Variants in NDST4 observed in about 807,000 individuals in gnomAD.
NDST4 encodes N-deacetylase and N-sulfotransferase 4.
In NDST4, 63 loss-of-function variants were observed where a neutral mutation model predicts 100.8. The observed-to-expected ratio is 0.62, with a 90% CI of 0.51 to 0.77. The LOEUF (loss-of-function observed/expected upper bound fraction) is 0.77, where lower values mean the gene tolerates loss of function less well. Ranked by LOEUF, NDST4 falls within the 30% of genes least tolerant of loss-of-function variation. The pLI is 0.00. For synonymous variants in NDST4, 377 were observed against 361.8 expected, an observed-to-expected ratio of 1.04 and a Z score of -0.48; for missense variants, 943 against 1,018.4, an observed-to-expected ratio of 0.93 and a Z score of 1.01.
At chr4:114,837,625 T>A (rs952684040) in intron 11 of NDST4, among the ~76,000 whole-genome samples, 1 of 152,172 alleles carries the variant, frequency 6.6e-6, no homozygotes, top group Non-Finnish European at 1.5e-5. Context: ...GCTAGCCATA[T>A]CCAGAAAGCT....
intron 4 of NDST4, among the ~76,000 whole-genome samples, chr4:114,966,411 G>A (rs573025477): frequency 6.6e-6 from 1 of 150,744 alleles, no homozygotes; most frequent in Non-Finnish European, 1.5e-5. Context: ...TATTACAAGA[G>A]AAAACAAACT....
At chr4:115,113,029 C>T (rs1190171417) in intron 1 of NDST4, among the ~76,000 whole-genome samples, 1 of 151,862 alleles carries the variant, frequency 6.6e-6, no homozygotes, top group Admixed American at 6.6e-5. Context: ...AATTTGAATG[C>T]CATGTTTTCA....
At chr4:114,947,677 A>C (rs181460625) in intron 4 of NDST4, among the ~76,000 whole-genome samples, 113 of 152,222 alleles carry the variant, frequency 7.4e-4, no homozygotes, top group African/African-American at 2.6e-3. Context: ...TGGAAAAAGA[A>C]GGTACTTAAA....
chr4:114,971,579 G>T (rs1726515563), intron 3 of NDST4, among the ~76,000 whole-genome samples: 1 of 152,066 alleles, frequency 6.6e-6, no homozygotes, highest in Non-Finnish European at 1.5e-5. Flanking sequence ...CTACTTAACT[G>T]TGTAAATAAG....
intron 1 of NDST4, among the ~76,000 whole-genome samples, chr4:115,103,282 A>G (rs905105774): frequency 6.6e-6 from 1 of 152,218 alleles, no homozygotes; most frequent in African/African-American, 2.4e-5. Context: ...ATTATTATTC[A>G]GAGAACTCAA....
In NDST4 at chr4:115,007,729, T is replaced by C. The variant is rs772219700; in HGVS notation, c.979-30455A>G. 1.9e-4 allele frequency among the ~76,000 whole-genome samples: 24 copies of C among 129,500 alleles called. 3 individuals carry two copies. Among genetic ancestry groups the C allele is most frequent in the Non-Finnish European group, 3.3e-5 (2 of 60,414 alleles). 85.0% of individuals were successfully genotyped at this position (129,500 alleles called of 152,430 possible). ...AAATAAAAGACCTCATTAGCTGATA[T>C]CTGCTTAGATGCTAAAGACAACAGG... On this transcript the variant is annotated intron_variant, in intron 2 of 13. Coordinates refer to ENST00000264363, the MANE Select transcript of NDST4 (RefSeq NM_022569.3).
intron 5 of NDST4, among the ~76,000 whole-genome samples, chr4:114,937,082 C>T (rs1377024173): frequency 5.3e-5 from 8 of 152,194 alleles, no homozygotes; most frequent in Non-Finnish European, 2.9e-5. Flanking sequence ...ATACATAACT[C>T]ATTCCTGTTA....
intron 1 of NDST4, among the ~76,000 whole-genome samples, chr4:115,080,795 T>A (rs897587499): frequency 6.6e-6 from 1 of 152,044 alleles, no homozygotes; most frequent in African/African-American, 2.4e-5. Context: ...AGCTCACATA[T>A]TTAATTTAAA....
Position 114,838,456 on chromosome 4 carries a change from G to A in NDST4, c.2286+922C>T, listed in dbSNP as rs888298577. Among the ~76,000 whole-genome samples the A allele has an allele frequency of 3.8e-4, 58 of 152,220 alleles. 1 individual carries two copies. Among genetic ancestry groups the A allele is most frequent in the Middle Eastern group, 3.4e-3 (1 of 294 alleles). On this transcript the variant is annotated intron_variant, in intron 11 of 13. Transcript: ENST00000264363. The stretch of plus-strand genomic sequence containing the variant: ...ATTTTAGACTGGATAAAGAAAATAT[G>A]GCACATATACACCATGGAATACTAT...
chr4:114,945,497 GATAA>G (rs1436138552), intron 4 of NDST4, among the ~76,000 whole-genome samples: 3 of 152,082 alleles, frequency 2.0e-5, no homozygotes, highest in Admixed American at 6.5e-5. Flanking sequence ...GTTGGTATTT[GATAA>G]ATAATTTTAA....
chr4:114,887,742 G>A (rs1724509310), intron 6 of NDST4, among the ~76,000 whole-genome samples: 2 of 152,052 alleles, frequency 1.3e-5, no homozygotes, highest in African/African-American at 4.8e-5. Context: ...TTAAAATAGA[G>A]TTTGCTTTCC....
intron 1 of NDST4, among the ~76,000 whole-genome samples, chr4:115,095,273 G>A (rs477208): frequency 1.3e-5 from 2 of 152,064 alleles, no homozygotes; most frequent in Non-Finnish European, 2.9e-5. Context: ...TGTTTGTGAT[G>A]CTATTCCCTA....
At chr4:114,844,661 T>A (rs527920244) in intron 10 of NDST4, among the ~76,000 whole-genome samples, 54 of 152,354 alleles carry the variant, frequency 3.5e-4, no homozygotes, top group African/African-American at 1.3e-3. Flanking sequence ...CTATGATTAT[T>A]TAATATCTAC....
intron 6 of NDST4, among the ~76,000 whole-genome samples, chr4:114,898,466 T>C (rs1724764868): frequency 6.6e-6 from 1 of 152,198 alleles, no homozygotes; most frequent in Non-Finnish European, 1.5e-5. Flanking sequence ...CTTTATACTA[T>C]CCCTTGAAGT....
intron 1 of NDST4, among the ~76,000 whole-genome samples, chr4:115,081,373 A>G (rs1212483865): frequency 6.6e-6 from 1 of 152,154 alleles, no homozygotes; most frequent in African/African-American, 2.4e-5. Context: ...GTGTTTACCT[A>G]TGTCTCACAC....
At chr4:114,917,554 G>A (rs1007536124) in intron 6 of NDST4, among the ~76,000 whole-genome samples, 11 of 152,072 alleles carry the variant, frequency 7.2e-5, no homozygotes, top group Non-Finnish European at 1.2e-4. Context: ...AGGGCTGGAG[G>A]ATTGCTTGAA....
chr4:115,018,832 A>C lies in NDST4; in HGVS notation c.979-41558T>G, dbSNP rs555020410. Among the ~76,000 whole-genome samples the C allele has an allele frequency of 4.6e-5, 7 of 152,100 alleles. No homozygotes were observed. In the South Asian group the frequency reaches 1.5e-3, roughly 32 times the overall value. The stretch of plus-strand genomic sequence containing the variant: ...TTAATATCAATACAATAAAAAATGC[A>C]AGTTACCAGGACATGAAAATTTCAA... On this transcript the variant is annotated intron_variant, in intron 2 of 13. Transcript: ENST00000264363.
chr4:114,974,974 C>A (rs1034435165), intron 3 of NDST4, among the ~76,000 whole-genome samples: 1 of 152,118 alleles, frequency 6.6e-6, no homozygotes, highest in Non-Finnish European at 1.5e-5. Context: ...GACAGTCAGT[C>A]CGACAAGGCC....
intron 6 of NDST4, among the ~76,000 whole-genome samples, chr4:114,872,277 T>C (rs1471954324): frequency 6.6e-6 from 1 of 151,982 alleles, no homozygotes; most frequent in Non-Finnish European, 1.5e-5. Context: ...ATTTAGAAAA[T>C]CTGCTCTGGC....
Sources: gnomAD v4.1 joint callset for allele counts (sites outside exome capture counted in the v4.1 genomes callset) on GRCh38, gnomAD v4.1.1 for gene constraint, MANE v1.5 for transcripts, NCBI Gene and HGNC (gene_info 2026-07-23, HGNC 2026-07-21) for gene names.